ZFPM1: variants seen among roughly 807,000 people sequenced by gnomAD.
ZFPM1 encodes zinc finger protein ZFPM1.
A neutral mutation model predicts 46.3 loss-of-function variants in ZFPM1; 28 were observed. That is an observed-to-expected ratio of 0.60 (90% confidence interval 0.45 to 0.83). The LOEUF is 0.83. ZFPM1 is among the 40% of genes least tolerant of loss of function. The pLI is 0.00. For missense variants in ZFPM1, 1,878 were observed against 1,432.4 expected (o/e 1.31, Z -5.02); for synonymous variants, 957 against 675.9 (o/e 1.42, Z -6.45).
chr16:88,500,327 C>G (rs915784968), intron 3 of ZFPM1, among the ~76,000 whole-genome samples: 1 of 152,254 alleles, frequency 6.6e-6, no homozygotes, highest in African/African-American at 2.4e-5. Context: ...AGCTGGTGGC[C>G]TCGTCAGGAA....
At position 88,533,552 on chromosome 16, in the gene ZFPM1, G is replaced by A; in HGVS notation, c.1594G>A (p.Gly532Arg). 2 of 1,476,654 alleles carry A rather than the reference G, an allele frequency of 1.4e-6. No homozygotes were observed. Among genetic ancestry groups the A allele is most frequent in the South Asian group, 1.2e-5 (1 of 80,434 alleles). 91.5% of individuals were successfully genotyped at this position (1,476,654 alleles called of 1,614,324 possible). ...GALFLPQYVF[G>R]PDAAPPASEI... ...CCTGTTCCTTCCGCAGTACGTGTTC[G>A]GGCCCGACGCGGCGCCCCCCGCCTC... Residue 532 changes from glycine (G) to arginine (R), a missense_variant, in exon 10 of 10, where the codon GGG becomes AGG. Transcript: ENST00000319555.
chr16:88,470,843 G>A (rs553153471), intron 1 of ZFPM1, among the ~76,000 whole-genome samples: 14 of 150,510 alleles, frequency 9.3e-5, no homozygotes, highest in South Asian at 4.3e-4. Context: ...GTGGAGGGCC[G>A]GGTGGTGACG....
intron 1 of ZFPM1, among the ~76,000 whole-genome samples, chr16:88,455,116 C>G (rs1907477864): frequency 1.3e-5 from 2 of 149,988 alleles, no homozygotes; most frequent in African/African-American, 4.9e-5. Flanking sequence ...CCCTGAGCGC[C>G]TATGTTCGGT....
At chr16:88,490,597 G>A (rs1337206815) in intron 3 of ZFPM1, among the ~76,000 whole-genome samples, 2 of 152,320 alleles carry the variant, frequency 1.3e-5, no homozygotes, top group East Asian at 1.9e-4. Flanking sequence ...GAGAGTGCAC[G>A]ATGGGTCCAT....
intron 2 of ZFPM1, among the ~76,000 whole-genome samples, chr16:88,488,340 C>T (rs2142376473): frequency 6.6e-6 from 1 of 152,334 alleles, no homozygotes; most frequent in African/African-American, 2.4e-5. Context: ...GCCAGGGCTG[C>T]ACCTGGCACC....
At chr16:88,515,293 C>T (rs777069288) in intron 4 of ZFPM1, among the ~76,000 whole-genome samples, 3 of 152,198 alleles carry the variant, frequency 2.0e-5, no homozygotes, top group Admixed American at 6.5e-5. Flanking sequence ...TGTCCCAGGC[C>T]GCTCAGGGAG....
intron 4 of ZFPM1, among the ~76,000 whole-genome samples, chr16:88,522,700 T>G (rs1025045219): frequency 2.6e-5 from 4 of 152,074 alleles, no homozygotes; most frequent in Non-Finnish European, 4.4e-5. Flanking sequence ...AAGTGGCCAC[T>G]GCTGGTGGGG....
intron 1 of ZFPM1, among the ~76,000 whole-genome samples, chr16:88,461,010 AGGGGT>A (rs151134309): frequency 0.031 from 187 of 6,002 alleles, 10 homozygotes; most frequent in African/African-American, 0.076. Flanking sequence ...GTGAGGACCG[AGGGGT>A]GGGGCGGGAG....
At chr16:88,458,114 G>A (rs1278139972) in intron 1 of ZFPM1, among the ~76,000 whole-genome samples, 2 of 152,200 alleles carry the variant, frequency 1.3e-5, no homozygotes, top group Non-Finnish European at 2.9e-5. Context: ...TCTCGCCCAA[G>A]CAAGTGATGG....
At chr16:88,461,457 C>T (rs929150115) in intron 1 of ZFPM1, among the ~76,000 whole-genome samples, 1 of 152,184 alleles carries the variant, frequency 6.6e-6, no homozygotes, top group Non-Finnish European at 1.5e-5. Context: ...CGCAACCTCA[C>T]GTCCTGGCCT....
At chr16:88,493,423 G>GA (rs1909729308) in intron 3 of ZFPM1, among the ~76,000 whole-genome samples, 1 of 113,150 alleles carries the variant, frequency 8.8e-6, no homozygotes, top group African/African-American at 3.6e-5. Flanking sequence ...CGGGGTGCGG[G>GA]GAGCTGTCCC....
rs556066429 is a variant in ZFPM1, at chr16:88,485,929, G to A, written c.41-10G>A. ...GCTCCTCCCGAACCCCCATCGTCTT[G>A]TGTCCACAGGTTCCCTCGGAGACAT... On this transcript the variant is annotated splice_polypyrimidine_tract_variant and intron_variant, in intron 1 of 9. Coordinates refer to ENST00000319555, the MANE Select transcript of ZFPM1 (RefSeq NM_153813.3). 18 of 1,612,378 alleles carry A rather than the reference G, an allele frequency of 1.1e-5. No individual in the cohort carries two copies. Among genetic ancestry groups the A allele is most frequent in the Non-Finnish European group, 1.5e-5 (18 of 1,179,622 alleles).
chr16:88,479,579 C>T lies in ZFPM1; in HGVS notation c.41-6360C>T, dbSNP rs148252014. Among the ~76,000 whole-genome samples, 124 of 152,244 alleles carry T rather than the reference C, an allele frequency of 8.1e-4. 1 individual carries two copies. The highest frequency in any genetic ancestry group is 2.9e-3 in the African/African-American group (119 of 41,536). Reference sequence around the variant, plus strand: ...TGTCCCCACCGTGGCCCAAGCTGCCCGCTGCCCAGCTGGTGGGAAAGTCTG... The same window carrying T: ...TGTCCCCACCGTGGCCCAAGCTGCCTGCTGCCCAGCTGGTGGGAAAGTCTG... On this transcript the variant is annotated intron_variant, in intron 1 of 9. Coordinates refer to ENST00000319555, the MANE Select transcript of ZFPM1 (RefSeq NM_153813.3).
intron 3 of ZFPM1, among the ~76,000 whole-genome samples, chr16:88,503,098 AC>A (rs972863964): frequency 1.2e-4 from 18 of 152,064 alleles, no homozygotes; most frequent in Admixed American, 1.2e-3. Flanking sequence ...TGGGACAGGA[AC>A]CCCCACTGTA....
In ZFPM1 at chr16:88,526,973, C is replaced by T. The variant is rs1183503713; in HGVS notation, c.505+57C>T. On this transcript the variant is annotated intron_variant, in intron 5 of 9. Coordinates refer to ENST00000319555, the MANE Select transcript of ZFPM1 (RefSeq NM_153813.3). ...CTTCCGGAAGGTGGGGGTCACTTGGCTCCCCCTGGGCTGAGCCCTTAAAGG... is the reference window on the plus strand; with the variant it reads ...CTTCCGGAAGGTGGGGGTCACTTGGTTCCCCCTGGGCTGAGCCCTTAAAGG... 2.4e-5 allele frequency: 36 copies of T among 1,523,288 alleles called. No individual in the cohort carries two copies. In the East Asian group the frequency reaches 7.2e-4, roughly 30 times the overall value. 94.4% of individuals were successfully genotyped at this position (1,523,288 alleles called of 1,614,324 possible).
Position 88,526,845 on chromosome 16 carries a change from A to G in ZFPM1, c.434A>G (p.Glu145Gly). ...SPALTLLLVD[E>G]ACWLRTLPQA... is the part of the protein sequence containing the mutation. ...GCCCTGACCCTGCTGCTGGTGGACG[A>G]GGCCTGCTGGCTGAGGACGCTGCCC... Residue 145 changes from glutamate (E) to glycine (G), a missense_variant, in exon 5 of 10, where the codon GAG becomes GGG. Glu to Gly is a moderately conservative substitution (Grantham distance 98). Coordinates refer to ENST00000319555, the MANE Select transcript of ZFPM1 (RefSeq NM_153813.3). 7.2e-7 allele frequency: 1 copy of G among 1,398,410 alleles called. No homozygotes were observed. The allele number at this position is 1,398,410 out of a possible 1,614,324, so 86.6% of individuals were successfully genotyped here.
intron 4 of ZFPM1, among the ~76,000 whole-genome samples, chr16:88,517,476 G>GTGGAGGGA (rs1555527388): frequency 7.6e-6 from 1 of 130,726 alleles, no homozygotes; most frequent in African/African-American, 3.0e-5. Flanking sequence ...GGATGGCTGG[G>GTGGAGGGA]TGGATGGATG....
At chr16:88,454,417 T>C (rs558059287) in intron 1 of ZFPM1, among the ~76,000 whole-genome samples, 2 of 152,314 alleles carry the variant, frequency 1.3e-5, no homozygotes, top group African/African-American at 4.8e-5. Flanking sequence ...CAAGGCGGCA[T>C]GGGCAACAAA....
chr16:88,532,620 G>C lies in ZFPM1; in HGVS notation c.953G>C (p.Arg318Pro). ...EIHMRSHSGE[R>P]PFVCLICLSA... is the part of the protein sequence containing the mutation. ...TACGCGCCCTGTGTTCCAGGAGAGC[G>C]GCCCTTCGTGTGCCTGATCTGCCTG... is the stretch of plus-strand genomic sequence containing the variant. The change falls in exon 8 of 10, where the codon CGG becomes CCG. Residue 318 changes from arginine (R) to proline (P), a missense_variant. Arg to Pro is a moderately radical substitution (Grantham distance 103). Coordinates refer to ENST00000319555, the MANE Select transcript of ZFPM1 (RefSeq NM_153813.3). 1 of 1,567,514 alleles carries C rather than the reference G, an allele frequency of 6.4e-7. No homozygotes were observed. Among genetic ancestry groups the C allele is most frequent in the Non-Finnish European group, 8.7e-7 (1 of 1,155,934 alleles).
Sources: gnomAD v4.1 joint callset for allele counts (sites outside exome capture counted in the v4.1 genomes callset) on GRCh38, gnomAD v4.1.1 for gene constraint, MANE v1.5 for transcripts, NCBI Gene and HGNC (gene_info 2026-07-23, HGNC 2026-07-21) for gene names.